The following RIMS1 variants were observed in gnomAD, a reference collection of about 807,000 sequenced individuals.
RIMS1 encodes regulating synaptic membrane exocytosis protein 1.
In RIMS1, 83 loss-of-function variants were observed where a neutral mutation model predicts 214.1. The observed-to-expected ratio is 0.39, with a 90% confidence interval of 0.32 to 0.47. RIMS1 has a LOEUF of 0.47. Ranked by LOEUF, RIMS1 falls within the 20% of genes least tolerant of loss-of-function variation. The pLI is 0.99. For missense variants in RIMS1, 2,050 were observed against 2,161.8 expected, an observed-to-expected ratio of 0.95 and a Z score of 1.03; for synonymous variants, 793 against 786.8, an observed-to-expected ratio of 1.01 and a Z score of -0.13.
chr6:71,977,346 G>A (rs1000128037), intron 2 of RIMS1, among the ~76,000 whole-genome samples: 2 of 152,054 alleles, frequency 1.3e-5, no homozygotes, highest in Non-Finnish European at 2.9e-5. Flanking sequence ...ATGCAGTAGA[G>A]GAAACAATTC....
chr6:72,141,388 T>C (rs989433714), intron 4 of RIMS1, among the ~76,000 whole-genome samples: 5 of 152,118 alleles, frequency 3.3e-5, no homozygotes, highest in Middle Eastern at 3.4e-3. Context: ...AAAAAAAGTT[T>C]AAATGTACTT....
At chr6:72,286,582 G>A (rs193028029) in intron 24 of RIMS1, among the ~76,000 whole-genome samples, 121 of 152,340 alleles carry the variant, frequency 7.9e-4, no homozygotes, top group Non-Finnish European at 1.4e-3. Context: ...TTATTAGAGT[G>A]TAAACTACAT....
intron 6 of RIMS1, among the ~76,000 whole-genome samples, chr6:72,220,457 T>C (rs143611233): frequency 6.6e-6 from 1 of 152,206 alleles, no homozygotes; most frequent in African/African-American, 2.4e-5. Flanking sequence ...AATCCTTTCC[T>C]TAAAAGTCAC....
chr6:72,081,806 C>T lies in RIMS1; in HGVS notation c.246-15143C>T, dbSNP rs1333686505. Among the ~76,000 whole-genome samples the T allele has an allele frequency of 3.3e-5, 5 of 152,100 alleles. No individual in the cohort carries two copies. In the East Asian group the frequency reaches 9.7e-4, roughly 29 times the overall value. On this transcript the variant is annotated intron_variant, in intron 2 of 33. Transcript: ENST00000521978. ...ATTATTGGTTTTATGATCTCTCTTTCGTGGATATAAAAGAACTTAAGTTAT... is the reference window on the plus strand; with the variant it reads ...ATTATTGGTTTTATGATCTCTCTTTTGTGGATATAAAAGAACTTAAGTTAT...
intron 6 of RIMS1, among the ~76,000 whole-genome samples, chr6:72,191,057 C>T (rs1271158582): frequency 6.6e-6 from 1 of 152,212 alleles, no homozygotes; most frequent in Non-Finnish European, 1.5e-5. Context: ...ACCTCAGACA[C>T]CATTAGATCT....
chr6:72,306,529 C>T (rs2095185218), intron 26 of RIMS1, among the ~76,000 whole-genome samples: 1 of 152,194 alleles, frequency 6.6e-6, no homozygotes, highest in South Asian at 2.1e-4. Flanking sequence ...TCAAAGGCTG[C>T]AATTCTTGCC....
Position 72,182,712 on chromosome 6 carries a change from C to G in RIMS1, c.1241C>G (p.Pro414Arg), listed in dbSNP as rs915042810. The change falls in exon 6 of 34, where the codon CCG (proline) becomes CGG (arginine). Residue 414 changes from proline (P) to arginine (R), a missense_variant. Transcript: ENST00000521978. ...LPEGKAGKRAPAAARASPPDS... is the reference protein window; with the variant it reads ...LPEGKAGKRARAAARASPPDS... ...GAGGGCAAGGCCGGCAAACGCGCGC[C>G]GGCGGCAGCCAGGGCCTCGCCGCCG... The G allele has an allele frequency of 8.6e-6, 13 of 1,513,994 alleles. No individual in the cohort carries two copies. Among genetic ancestry groups the G allele is most frequent in the Non-Finnish European group, 9.7e-6 (11 of 1,136,292 alleles). 93.8% of individuals were successfully genotyped at this position (1,513,994 alleles called of 1,614,324 possible). A position where few individuals can be genotyped will look rare whatever the true frequency, so the allele number is the denominator to read the frequency against.
intron 1 of RIMS1, among the ~76,000 whole-genome samples, chr6:71,955,261 G>C (rs1053591519): frequency 6.6e-6 from 1 of 152,000 alleles, no homozygotes. Flanking sequence ...CTGCCTCCCA[G>C]GTTCAAGCGA....
intron 4 of RIMS1, among the ~76,000 whole-genome samples, chr6:72,164,488 C>G (rs545068988): frequency 1.3e-5 from 2 of 152,300 alleles, no homozygotes. Flanking sequence ...TCGCTCACGC[C>G]TGGAGCTGTA....
At chr6:72,332,310 T>C (rs1176965583) in intron 28 of RIMS1, among the ~76,000 whole-genome samples, 1 of 151,652 alleles carries the variant, frequency 6.6e-6, no homozygotes, top group African/African-American at 2.4e-5. Context: ...TCATTTTAGG[T>C]GTATCAAACC....
chr6:72,234,730 T>G (rs887109471), intron 7 of RIMS1, among the ~76,000 whole-genome samples: 1 of 152,006 alleles, frequency 6.6e-6, no homozygotes, highest in Non-Finnish European at 1.5e-5. Context: ...CCCTCTCTCC[T>G]TTCTTCCCCA....
At chr6:72,342,888 A>G (rs1358289595) in intron 29 of RIMS1, among the ~76,000 whole-genome samples, 2 of 151,780 alleles carry the variant, frequency 1.3e-5, no homozygotes, top group East Asian at 3.9e-4. Context: ...ACAAAGGAAT[A>G]TTGCAATGGG....
chr6:72,107,377 A>G (rs1264030993), intron 4 of RIMS1, among the ~76,000 whole-genome samples: 1 of 152,184 alleles, frequency 6.6e-6, no homozygotes, highest in Non-Finnish European at 1.5e-5. Context: ...CCTGGCCAAC[A>G]TGGCAAAACC....
At chr6:72,038,281 T>C (rs1820511116) in intron 2 of RIMS1, among the ~76,000 whole-genome samples, 1 of 151,040 alleles carries the variant, frequency 6.6e-6, no homozygotes, top group Admixed American at 6.6e-5. Context: ...ACAAAGATAT[T>C]TCTAGAAATG....
intron 28 of RIMS1, among the ~76,000 whole-genome samples, chr6:72,324,604 A>C (rs987637106): frequency 3.1e-4 from 47 of 151,968 alleles, no homozygotes; most frequent in African/African-American, 1.1e-3. Context: ...CTCAGTAAAA[A>C]TTACCAATAT....
rs747713607 is a variant in RIMS1, at chr6:72,237,847, T to G, written c.1882T>G (p.Leu628Val). ...GGTTGTTGGAGGAAAAATGACTGAC[T>G]TAGGACGACTTGGTGCTTTCATCAC... ...LKVVGGKMTD[L>V]GRLGAFITKV... The change falls in exon 9 of 34, where the codon TTA becomes GTA. Residue 628 changes from leucine to valine, a missense_variant. Leu to Val is a conservative substitution (Grantham distance 32). Transcript: ENST00000521978. 1.2e-6 allele frequency: 2 copies of G among 1,613,460 alleles called. No homozygotes were observed. Among genetic ancestry groups the G allele is most frequent in the East Asian group, 2.2e-5 (1 of 44,824 alleles).
chr6:72,400,867 T>G lies in RIMS1; in HGVS notation c.*153T>G. The G allele has an allele frequency of 1.6e-6, 1 of 617,272 alleles. No homozygotes were observed. The highest frequency in any genetic ancestry group is 2.8e-6 in the Non-Finnish European group (1 of 354,994). 38.2% of individuals were successfully genotyped at this position (617,272 alleles called of 1,614,324 possible). A position where few individuals can be genotyped will look rare whatever the true frequency, so the allele number is the denominator to read the frequency against. On this transcript the variant is annotated 3_prime_UTR_variant, in exon 34 of 34. Coordinates refer to ENST00000521978, the MANE Select transcript of RIMS1 (RefSeq NM_014989.7). Reference sequence around the variant, plus strand: ...TCAATAATATGTCCCAATTGTTATTTAAAACATGGCTTCATATGACAGAAC... The same window carrying G: ...TCAATAATATGTCCCAATTGTTATTGAAAACATGGCTTCATATGACAGAAC...
chr6:72,347,885 A>C (rs2097319838), intron 29 of RIMS1, among the ~76,000 whole-genome samples: 1 of 151,910 alleles, frequency 6.6e-6, no homozygotes, highest in Non-Finnish European at 1.5e-5. Flanking sequence ...TGCTGTTTAC[A>C]TCTGTAGAAT....
At chr6:72,206,779 C>G (rs780202220) in intron 6 of RIMS1, among the ~76,000 whole-genome samples, 1 of 152,138 alleles carries the variant, frequency 6.6e-6, no homozygotes, top group Admixed American at 6.5e-5. Flanking sequence ...ATGGGAGGAG[C>G]TTTAGGCCTG....
Sources: gnomAD v4.1 joint callset for allele counts (sites outside exome capture counted in the v4.1 genomes callset) on GRCh38, gnomAD v4.1.1 for gene constraint, MANE v1.5 for transcripts, NCBI Gene and HGNC (gene_info 2026-07-23, HGNC 2026-07-21) for gene names.